Variants in TAFA2 observed in about 807,000 individuals in gnomAD.
The protein encoded by TAFA2 is TAFA chemokine like family member 2.
TAFA2 carries 7 observed loss-of-function variants against 18.8 expected under a neutral mutation model. The ratio of observed to expected loss-of-function variants is 0.37; its 90% confidence interval spans 0.21 to 0.70. The LOEUF is 0.70. Among genes scored for constraint, TAFA2 ranks in the 30% least tolerant of loss-of-function variants. TAFA2 has a pLI of 0.53. For synonymous variants in TAFA2, 60 were observed against 54.2 expected (o/e 1.11, Z -0.47); for missense variants, 122 against 158.1 (o/e 0.77, Z 1.23).
chr12:61,819,752 A>G (rs1053733212), intron 2 of TAFA2, among the ~76,000 whole-genome samples: 18 of 152,242 alleles, frequency 1.2e-4, no homozygotes, highest in Admixed American at 1.1e-3. Context: ...CATAATGACT[A>G]CAGAAACAAC....
intron 1 of TAFA2, among the ~76,000 whole-genome samples, chr12:62,076,917 T>C (rs1868252513): frequency 6.6e-6 from 1 of 152,152 alleles, no homozygotes; most frequent in Admixed American, 6.5e-5. Context: ...CTGGAACCTC[T>C]GAGAAGGAGA....
At chr12:62,246,500 T>A (rs2136992412) in intron 1 of TAFA2, among the ~76,000 whole-genome samples, 1 of 152,354 alleles carries the variant, frequency 6.6e-6, no homozygotes, top group South Asian at 2.1e-4. Flanking sequence ...GAAGAATCAA[T>A]ATATTATCAT....
At chr12:62,235,718 TG>T (rs2062833981) in intron 1 of TAFA2, among the ~76,000 whole-genome samples, 1 of 152,202 alleles carries the variant, frequency 6.6e-6, no homozygotes, top group East Asian at 1.9e-4. Flanking sequence ...TTATTTTTAG[TG>T]GATCTATTTT....
At chr12:61,971,559 T>A (rs1196805090) in intron 1 of TAFA2, among the ~76,000 whole-genome samples, 30 of 151,568 alleles carry the variant, frequency 2.0e-4, no homozygotes, top group Admixed American at 2.0e-3. Context: ...AAAGGATGAG[T>A]TCATGTCCTT....
At chr12:62,064,161 T>C (rs1269754663) in intron 1 of TAFA2, among the ~76,000 whole-genome samples, 1 of 152,128 alleles carries the variant, frequency 6.6e-6, no homozygotes, top group Admixed American at 6.5e-5. Flanking sequence ...GCTGGAATTT[T>C]ACATCTGAAT....
chr12:62,184,502 C>CTTTTTTTTTCTTT lies in TAFA2; in HGVS notation c.-2+6756_-2+6757insAAAGAAAAAAAAA, dbSNP rs2062572329. Among the ~76,000 whole-genome samples the CTTTTTTTTTCTTT allele has an allele frequency of 1.9e-5, 2 of 106,172 alleles. 1 individual carries two copies. Among genetic ancestry groups the CTTTTTTTTTCTTT allele is most frequent in the African/African-American group, 7.4e-5 (2 of 26,868 alleles). The allele number at this position is 106,172 out of a possible 152,430, so 69.7% of individuals were successfully genotyped here. ...CTGAACACACGGGAAAAAAAAAATT[C>CTTTTTTTTTCTTT]TTTTTTTTTTGAGGCATAGTCTCAC... On this transcript the variant is annotated intron_variant, in intron 1 of 4. Transcript: ENST00000416284.
intron 1 of TAFA2, among the ~76,000 whole-genome samples, chr12:62,094,070 T>A (rs958646793): frequency 5.9e-5 from 9 of 152,162 alleles, no homozygotes; most frequent in African/African-American, 2.2e-4. Context: ...GTTTTAAAAC[T>A]TCTTTTCGGT....
At chr12:62,152,115 G>A (rs1281533092) in intron 1 of TAFA2, among the ~76,000 whole-genome samples, 1 of 152,146 alleles carries the variant, frequency 6.6e-6, no homozygotes, top group Non-Finnish European at 1.5e-5. Flanking sequence ...TTACACTGCA[G>A]TCAACTCTAT....
chr12:62,003,311 CT>C (rs1477836649), intron 1 of TAFA2, among the ~76,000 whole-genome samples: 1 of 152,124 alleles, frequency 6.6e-6, no homozygotes. Flanking sequence ...ACCGCACCCC[CT>C]TATGTCTGAT....
chr12:61,813,600 A>G (rs1871961276), intron 2 of TAFA2, among the ~76,000 whole-genome samples: 1 of 151,342 alleles, frequency 6.6e-6, no homozygotes, highest in Non-Finnish European at 1.5e-5. Context: ...TTAATTATTG[A>G]TTTGTATTTT....
intron 1 of TAFA2, among the ~76,000 whole-genome samples, chr12:61,947,412 C>G (rs980193433): frequency 7.3e-5 from 11 of 151,310 alleles, no homozygotes; most frequent in African/African-American, 2.4e-4. Flanking sequence ...ACATATGTAA[C>G]TAACCTGCAC....
intron 1 of TAFA2, among the ~76,000 whole-genome samples, chr12:62,058,636 T>G (rs555593181): frequency 6.6e-6 from 1 of 152,256 alleles, no homozygotes; most frequent in East Asian, 1.9e-4. Flanking sequence ...CTTTTTTTTC[T>G]GTGTCCCTTT....
intron 2 of TAFA2, among the ~76,000 whole-genome samples, chr12:61,756,271 G>A (rs573633206): frequency 1.3e-5 from 2 of 151,978 alleles, no homozygotes; most frequent in African/African-American, 4.8e-5. Context: ...CCTTCAAGAG[G>A]CAGATACCAT....
intron 1 of TAFA2, chr12:62,235,395 G>T: frequency 1.5e-6 from 1 of 646,970 alleles, no homozygotes. Context: ...GCTTCCAGAA[G>T]ATGAGTCATG....
intron 2 of TAFA2, among the ~76,000 whole-genome samples, chr12:61,808,060 A>T (rs1487782232): frequency 3.3e-5 from 5 of 151,554 alleles, no homozygotes; most frequent in Non-Finnish European, 5.9e-5. Context: ...AGGATGTGAG[A>T]CTTGGAAGGG....
intron 1 of TAFA2, among the ~76,000 whole-genome samples, chr12:62,227,327 T>C (rs1341786401): frequency 6.6e-6 from 1 of 152,222 alleles, no homozygotes; most frequent in Non-Finnish European, 1.5e-5. Context: ...GGAGTAAGTA[T>C]GCAGTCCTAC....
At chr12:62,240,904 A>G (rs556355086) in intron 1 of TAFA2, among the ~76,000 whole-genome samples, 1 of 152,178 alleles carries the variant, frequency 6.6e-6, no homozygotes, top group Non-Finnish European at 1.5e-5. Flanking sequence ...TCTAAGTTGC[A>G]TGCCCCTTAT....
intron 2 of TAFA2, among the ~76,000 whole-genome samples, chr12:61,832,302 T>A (rs1428529402): frequency 6.6e-6 from 1 of 152,166 alleles, no homozygotes; most frequent in East Asian, 1.9e-4. Context: ...CTCTGGACAC[T>A]TTCTCTAAGA....
intron 1 of TAFA2, among the ~76,000 whole-genome samples, chr12:62,174,850 G>C (rs1332256209): frequency 6.6e-6 from 1 of 152,152 alleles, no homozygotes; most frequent in East Asian, 1.9e-4. Context: ...AATATTTGAA[G>C]ATAACTTTTC....
Sources: gnomAD v4.1 joint callset for allele counts (sites outside exome capture counted in the v4.1 genomes callset) on GRCh38, gnomAD v4.1.1 for gene constraint, MANE v1.5 for transcripts, NCBI Gene and HGNC (gene_info 2026-07-23, HGNC 2026-07-21) for gene names.